B3GALT9: variants seen among roughly 807,000 people sequenced by gnomAD.
The protein encoded by B3GALT9 is UDP-GlcNAc:betaGal beta-1,3-N-acetylglucosaminyltransferase 10 (putative).
At chr9:120,797,089 AAGGG>A (rs1187423725) in intron 2 of B3GALT9, among the ~76,000 whole-genome samples, 24 of 136,230 alleles carry the variant, frequency 1.8e-4, no homozygotes, top group East Asian at 1.3e-3. Flanking sequence ...AGCAAGGAAG[AAGGG>A]AGGGAGGGAG....
Position 120,793,769 on chromosome 9 carries a change from A to G in B3GALT9, c.-335A>G, listed in dbSNP as rs1009686686. ...TAAGAGACGTGTCCAAATTCATACA[A>G]CCTGTTGGGCACCTCTTTATCCCGA... On this transcript the variant is annotated 5_prime_UTR_variant, in exon 1 of 3. Transcript: ENST00000689072. 2.5e-6 allele frequency: 1 copy of G among 396,992 alleles called. No individual in the cohort carries two copies. Among genetic ancestry groups the G allele is most frequent in the East Asian group, 3.6e-5 (1 of 28,010 alleles). The allele number at this position is 396,992 out of a possible 1,614,324, so 24.6% of individuals were successfully genotyped here.
In B3GALT9 at chr9:120,799,188, T is replaced by C. The variant is rs1588059697; in HGVS notation, c.620T>C (p.Ile207Thr). 1 of 399,054 alleles carries C rather than the reference T, an allele frequency of 2.5e-6. No homozygotes were observed. Among genetic ancestry groups the C allele is most frequent in the Non-Finnish European group, 4.4e-6 (1 of 226,074 alleles). 24.7% of individuals were successfully genotyped at this position (399,054 alleles called of 1,614,324 possible). Residue 207 changes from isoleucine to threonine, a missense_variant, in exon 3 of 3, where the codon ATC becomes ACC. By Grantham distance (89) the Ile-to-Thr change is moderately conservative. Transcript: ENST00000689072. ...AATCTGAAAGAACACCTAGAAGATATCTATGTAGGAAGAGTTCTTCATCAG... is the reference window on the plus strand; with the variant it reads ...AATCTGAAAGAACACCTAGAAGATACCTATGTAGGAAGAGTTCTTCATCAG... ...LLNLKEHLED[I>T]YVGRVLHQVT...
intron 1 of B3GALT9, 29 bp downstream of exon 1, chr9:120,793,951 A>C (rs1038924339): frequency 3.5e-6 from 1 of 285,334 alleles, no homozygotes. Flanking sequence ...GAAAAGAGAC[A>C]GTCAAGTGAT....
chr9:120,801,293 G>GT lies in B3GALT9; in HGVS notation c.*1616dup, dbSNP rs2044967937. Among the ~76,000 whole-genome samples the GT allele has an allele frequency of 1.3e-5, 2 of 152,146 alleles. No homozygotes were observed. The highest frequency in any genetic ancestry group is 1.3e-4 in the Admixed American group (2 of 15,276). ...TTTGTGAGGAACCTCCATAATGGCT[G>GT]TATTATTGGTTTACCATAATGGCTC... is the stretch of plus-strand genomic sequence containing the variant. On this transcript the variant is annotated 3_prime_UTR_variant, in exon 3 of 3. Coordinates refer to ENST00000689072, the MANE Select transcript of B3GALT9 (RefSeq NM_001386823.1).
intron 2 of B3GALT9, 94 bp downstream of exon 2, chr9:120,796,703 A>G (rs1160905671): frequency 6.6e-6 from 1 of 152,178 alleles, no homozygotes; most frequent in Non-Finnish European, 1.5e-5. Flanking sequence ...GAGAAAATGG[A>G]AAGGAGTTCA....
In B3GALT9 at chr9:120,800,571, C is replaced by G. The variant is rs1185882026; in HGVS notation, c.*893C>G. Among the ~76,000 whole-genome samples, 1 of 151,772 alleles carries G rather than the reference C, an allele frequency of 6.6e-6. No individual in the cohort carries two copies. The highest frequency in any genetic ancestry group is 2.4e-5 in the African/African-American group (1 of 41,308). On this transcript the variant is annotated 3_prime_UTR_variant, in exon 3 of 3. Coordinates refer to ENST00000689072, the MANE Select transcript of B3GALT9 (RefSeq NM_001386823.1). ...TGAGGAACCGTACCTGGCCAGTACA[C>G]AATTCATTATAACTAAGTTTTTTTT...
chr9:120,800,021 C>G lies in B3GALT9; in HGVS notation c.*343C>G, dbSNP rs2131406817. 1 of 156,960 alleles carries G rather than the reference C, an allele frequency of 6.4e-6. No individual in the cohort carries two copies. The highest frequency in any genetic ancestry group is 2.1e-4 in the South Asian group (1 of 4,744). The allele number at this position is 156,960 out of a possible 1,614,324, so 9.7% of individuals were successfully genotyped here. A position where few individuals can be genotyped will look rare whatever the true frequency, so the allele number is the denominator to read the frequency against. The stretch of plus-strand genomic sequence containing the variant: ...CTGGAGTGCAGTGGCGCAATCTCGA[C>G]TCACTGCAACCTCCACCGCCTGGGC... On this transcript the variant is annotated 3_prime_UTR_variant, in exon 3 of 3. Coordinates refer to ENST00000689072, the MANE Select transcript of B3GALT9 (RefSeq NM_001386823.1).
rs980246650 is a variant in B3GALT9, at chr9:120,798,635, T to C, written c.67T>C (p.Phe23Leu). 2.0e-5 allele frequency: 8 copies of C among 399,532 alleles called. No homozygotes were observed. Among genetic ancestry groups the C allele is most frequent in the African/African-American group, 1.2e-4 (6 of 48,632 alleles). 24.7% of individuals were successfully genotyped at this position (399,532 alleles called of 1,614,324 possible). A position where few individuals can be genotyped will look rare whatever the true frequency, so the allele number is the denominator to read the frequency against. ...TTTCATTCTATTTAATGTCATCCTA[T>C]TTCATGCCTTGCTTTTTGGGACTGA... ...WCFILFNVIL[F>L]HALLFGTDFV... The change falls in exon 3 of 3, where the codon TTT becomes CTT. Residue 23 changes from phenylalanine (F) to leucine (L), a missense_variant. By Grantham distance (22) the Phe-to-Leu change is conservative. Transcript: ENST00000689072.
rs2044955262 is a variant in B3GALT9, at chr9:120,799,037, A to T, written c.469A>T (p.Asn157Tyr). 5.0e-6 allele frequency: 2 copies of T among 399,090 alleles called. No homozygotes were observed. Among genetic ancestry groups the T allele is most frequent in the South Asian group, 2.5e-4 (2 of 7,856 alleles). The allele number at this position is 399,090 out of a possible 1,614,324, so 24.7% of individuals were successfully genotyped here. Residue 157 changes from asparagine to tyrosine, a missense_variant, in exon 3 of 3, where the codon AAC becomes TAC. Transcript: ENST00000689072. ...AGGAATCTTCTTGGACAGTTCTGAG[A>T]ACCAAACCCTGAAGATCATTGCAAT... is the stretch of plus-strand genomic sequence containing the variant. The part of the protein sequence containing the change: ...IEGIFLDSSE[N>Y]QTLKIIAMIQ...
rs146775046 is a variant in B3GALT9 at position 120,798,805 on chromosome 9, TA to T, written c.240del (p.Lys82ArgfsTer29). On this transcript the variant is annotated frameshift_variant, in exon 3 of 3. Transcript: ENST00000689072. LOFTEE classifies it high-confidence loss of function. ...ATGTCCTGAGCCAGTCAGAAATATG[TA>T]AAGGGAAGAACATTTTTTTGCTGTC... ...YYVLSQSEIC[K>X]GKNIFLLSLI... is the part of the protein sequence containing the mutation. The T allele has an allele frequency of 3.9e-3, 1,551 of 399,120 alleles. 8 individuals are homozygous for T. Among genetic ancestry groups the T allele is most frequent in the Non-Finnish European group, 5.8e-3 (1,321 of 226,088 alleles). The allele number at this position is 399,120 out of a possible 1,614,324, so 24.7% of individuals were successfully genotyped here. A position where few individuals can be genotyped will look rare whatever the true frequency, so the allele number is the denominator to read the frequency against.
chr9:120,799,358 G>T lies in B3GALT9; in HGVS notation c.790G>T (p.Val264Leu). Residue 264 changes from valine to leucine, a missense_variant, in exon 3 of 3, where the codon GTA becomes TTA. Physicochemically the swap from Val to Leu is conservative, Grantham distance 32. Coordinates refer to ENST00000689072, the MANE Select transcript of B3GALT9 (RefSeq NM_001386823.1). Reference protein sequence around the residue: ...ARMMYVVFKEVPMMVPADVFV... With the variant: ...ARMMYVVFKELPMMVPADVFV... ...AATGATGTATGTGGTTTTCAAAGAA[G>T]TACCCATGATGGTGCCAGCTGATGT... The T allele has an allele frequency of 2.5e-6, 1 of 399,254 alleles. No individual in the cohort carries two copies. Among genetic ancestry groups the T allele is most frequent in the South Asian group, 1.3e-4 (1 of 7,858 alleles). 24.7% of individuals were successfully genotyped at this position (399,254 alleles called of 1,614,324 possible).
intron 1 of B3GALT9, among the ~76,000 whole-genome samples, chr9:120,794,569 C>T (rs1295008256): frequency 1.3e-5 from 2 of 151,162 alleles, no homozygotes; most frequent in African/African-American, 4.9e-5. Flanking sequence ...GTCAGGGTTT[C>T]GCTATGTTAC....
intron 2 of B3GALT9, among the ~76,000 whole-genome samples, chr9:120,798,116 T>C (rs2044950544): frequency 6.6e-6 from 1 of 152,242 alleles, no homozygotes; most frequent in Non-Finnish European, 1.5e-5. Context: ...AAATAGCCCC[T>C]GACTTTTGTA....
rs1031974306 is a variant in B3GALT9, at chr9:120,800,227, C to T, written c.*549C>T. Among the ~76,000 whole-genome samples the T allele has an allele frequency of 3.9e-5, 6 of 152,014 alleles. No individual in the cohort carries two copies. The highest frequency in any genetic ancestry group is 1.5e-4 in the African/African-American group (6 of 41,356). ...CTGCCTCCCAGGTTAAAGCAATTCT[C>T]CTGCCTCAGCCTCCCAAGTAGCTGG... is the stretch of plus-strand genomic sequence containing the variant. On this transcript the variant is annotated 3_prime_UTR_variant, in exon 3 of 3. Transcript: ENST00000689072.
At chr9:120,794,756 C>T (rs1392780175) in intron 1 of B3GALT9, among the ~76,000 whole-genome samples, 2 of 152,170 alleles carry the variant, frequency 1.3e-5, no homozygotes, top group East Asian at 1.9e-4. Context: ...TATACCAACA[C>T]TGTCCAATAA....
At position 120,793,818 on chromosome 9, in the gene B3GALT9, A is replaced by G. The variant is rs929290859; in HGVS notation, c.-286A>G. On this transcript the variant is annotated 5_prime_UTR_variant, in exon 1 of 3. Coordinates refer to ENST00000689072, the MANE Select transcript of B3GALT9 (RefSeq NM_001386823.1). ...GAACGCTGTTCTAGGGGATAGGGTTAGTGAACAAAAAACGCAAAAGCCCCT... is the reference window on the plus strand; with the variant it reads ...GAACGCTGTTCTAGGGGATAGGGTTGGTGAACAAAAAACGCAAAAGCCCCT... 3.0e-5 allele frequency: 12 copies of G among 394,050 alleles called. No individual in the cohort carries two copies. The highest frequency in any genetic ancestry group is 4.9e-5 in the Non-Finnish European group (11 of 223,798). 24.4% of individuals were successfully genotyped at this position (394,050 alleles called of 1,614,324 possible).
intron 1 of B3GALT9, among the ~76,000 whole-genome samples, chr9:120,796,081 A>C (rs1224330861): frequency 2.6e-5 from 4 of 152,154 alleles, no homozygotes; most frequent in Non-Finnish European, 5.9e-5. Flanking sequence ...GGAGAAAATA[A>C]TGCACCCACT....
chr9:120,798,663 T>G lies in B3GALT9; in HGVS notation c.95T>G (p.Phe32Cys), dbSNP rs2044953246. ...LFHALLFGTDFVEEYFLHSLP... is the reference protein window; with the variant it reads ...LFHALLFGTDCVEEYFLHSLP... ...CATGCCTTGCTTTTTGGGACTGACT[T>G]TGTGGAGGAATACTTTCTGCATTCT... Residue 32 changes from phenylalanine (F) to cysteine (C), a missense_variant, in exon 3 of 3, where the codon TTT becomes TGT. Physicochemically the swap from Phe to Cys is radical, Grantham distance 205. Transcript: ENST00000689072. 1 of 399,310 alleles carries G rather than the reference T, an allele frequency of 2.5e-6. No individual in the cohort carries two copies. The highest frequency in any genetic ancestry group is 2.1e-5 in the African/African-American group (1 of 48,616). 24.7% of individuals were successfully genotyped at this position (399,310 alleles called of 1,614,324 possible).
At chr9:120,794,867 G>A (rs915247583) in intron 1 of B3GALT9, among the ~76,000 whole-genome samples, 5 of 152,104 alleles carry the variant, frequency 3.3e-5, no homozygotes, top group Non-Finnish European at 5.9e-5. Context: ...TGATGTAAAT[G>A]AACTAAATTC....
Sources: gnomAD v4.1 joint callset for allele counts (sites outside exome capture counted in the v4.1 genomes callset) on GRCh38, gnomAD v4.1.1 for gene constraint, MANE v1.5 for transcripts, NCBI Gene and HGNC (gene_info 2026-07-23, HGNC 2026-07-21) for gene names.